SLC25A31: variants seen among roughly 807,000 people sequenced by gnomAD.
SLC25A31 encodes the protein ADP/ATP translocase 4.
Under a neutral mutation model 36.2 loss-of-function variants are expected in SLC25A31, and 40 were observed. That is an observed-to-expected ratio of 1.10 (90% confidence interval 0.86 to 1.44). The LOEUF is 1.44. Ranked by LOEUF, SLC25A31 falls within the 40% of genes most tolerant of loss-of-function variation. The pLI is 0.00. For synonymous variants in SLC25A31, 143 were observed against 149.7 expected, an observed-to-expected ratio of 0.96 and a Z score of 0.32; for missense variants, 350 against 397.1, an observed-to-expected ratio of 0.88 and a Z score of 1.01.
chr4:127,742,338 C>G (rs923658958), intron 1 of SLC25A31, among the ~76,000 whole-genome samples: 6 of 152,200 alleles, frequency 3.9e-5, no homozygotes, highest in Non-Finnish European at 7.3e-5. Context: ...GGAACTGAAA[C>G]TTACCAGATC....
chr4:127,757,478 T>A (rs965898833), intron 2 of SLC25A31, among the ~76,000 whole-genome samples: 1 of 152,250 alleles, frequency 6.6e-6, no homozygotes, highest in Non-Finnish European at 1.5e-5. Context: ...ATTCTTTTTT[T>A]AAAGCTGTAT....
chr4:127,766,424 C>G (rs894627354), intron 3 of SLC25A31, among the ~76,000 whole-genome samples: 1 of 150,870 alleles, frequency 6.6e-6, no homozygotes, highest in Non-Finnish European at 1.5e-5. Flanking sequence ...CCTCAGCCTC[C>G]CAAAGTGCTG....
intron 1 of SLC25A31, among the ~76,000 whole-genome samples, chr4:127,731,688 AAAAC>A (rs916804433): frequency 3.0e-4 from 46 of 152,332 alleles, no homozygotes; most frequent in African/African-American, 1.1e-3. Flanking sequence ...CTGTCTCAAA[AAAAC>A]AAACAAAACT....
chr4:127,761,160 A>G (rs866240219), intron 2 of SLC25A31, among the ~76,000 whole-genome samples: 1 of 152,116 alleles, frequency 6.6e-6, no homozygotes, highest in East Asian at 1.9e-4. Context: ...CCGTCACTAC[A>G]TAGATCGGCC....
intron 1 of SLC25A31, among the ~76,000 whole-genome samples, chr4:127,731,441 G>GC (rs1217707488): frequency 6.6e-6 from 1 of 151,914 alleles, no homozygotes. Flanking sequence ...GGTGGCTCAC[G>GC]CCTATAATCC....
chr4:127,756,441 G>T (rs1421651796), intron 2 of SLC25A31, among the ~76,000 whole-genome samples: 3 of 152,128 alleles, frequency 2.0e-5, no homozygotes, highest in African/African-American at 7.2e-5. Flanking sequence ...AGCGTGGGGG[G>T]ATGAGGAATG....
intron 2 of SLC25A31, among the ~76,000 whole-genome samples, chr4:127,755,505 G>A (rs777699413): frequency 6.6e-6 from 1 of 152,082 alleles, no homozygotes; most frequent in Admixed American, 6.6e-5. Flanking sequence ...CTTCTCAAAC[G>A]AAGACATACA....
chr4:127,752,834 A>G (rs1258833418), intron 2 of SLC25A31, among the ~76,000 whole-genome samples: 2 of 152,226 alleles, frequency 1.3e-5, no homozygotes, highest in Non-Finnish European at 2.9e-5. Context: ...AACAATGGGC[A>G]GATCATCCAG....
intron 1 of SLC25A31, among the ~76,000 whole-genome samples, chr4:127,742,084 C>T (rs1171065280): frequency 2.0e-5 from 3 of 152,086 alleles, no homozygotes; most frequent in African/African-American, 7.2e-5. Context: ...TACCAACCAG[C>T]ACTGGATCTC....
At chr4:127,744,415 C>G (rs1193960676) in intron 1 of SLC25A31, among the ~76,000 whole-genome samples, 2 of 152,150 alleles carry the variant, frequency 1.3e-5, no homozygotes, top group Non-Finnish European at 2.9e-5. Flanking sequence ...GTAAAGAGCC[C>G]TGTATTCAAC....
At chr4:127,770,830 A>C (rs1254899684) in intron 5 of SLC25A31, among the ~76,000 whole-genome samples, 2 of 152,000 alleles carry the variant, frequency 1.3e-5, no homozygotes, top group African/African-American at 4.8e-5. Flanking sequence ...TCTGAAGGCT[A>C]CAAGTCTGAG....
intron 1 of SLC25A31, among the ~76,000 whole-genome samples, chr4:127,742,886 G>A (rs1488009245): frequency 1.3e-5 from 2 of 152,052 alleles, no homozygotes; most frequent in Non-Finnish European, 2.9e-5. Flanking sequence ...TTGACCCATT[G>A]GTTGTTAAGA....
At chr4:127,754,421 TA>T (rs1372743304) in intron 2 of SLC25A31, among the ~76,000 whole-genome samples, 7 of 151,968 alleles carry the variant, frequency 4.6e-5, no homozygotes, top group Non-Finnish European at 8.8e-5. Flanking sequence ...TTAGTACTGG[TA>T]AATGAATTCA....
chr4:127,734,711 G>T (rs1560630032), intron 1 of SLC25A31, among the ~76,000 whole-genome samples: 1 of 151,978 alleles, frequency 6.6e-6, no homozygotes, highest in Non-Finnish European at 1.5e-5. Context: ...GAACAGTGAG[G>T]TTTTTTAATA....
At chr4:127,748,018 G>A (rs780641588) in intron 2 of SLC25A31, among the ~76,000 whole-genome samples, 2 of 152,170 alleles carry the variant, frequency 1.3e-5, no homozygotes, top group Non-Finnish European at 2.9e-5. Context: ...CACGTGATGT[G>A]TTGCCACAGT....
chr4:127,752,477 T>G (rs2148758946), intron 2 of SLC25A31, among the ~76,000 whole-genome samples: 1 of 151,804 alleles, frequency 6.6e-6, no homozygotes, highest in African/African-American at 2.4e-5. Context: ...AAATGATGAG[T>G]TAATGGGTGC....
intron 1 of SLC25A31, among the ~76,000 whole-genome samples, chr4:127,736,175 G>T (rs925501310): frequency 2.6e-5 from 4 of 152,058 alleles, no homozygotes; most frequent in African/African-American, 7.2e-5. Flanking sequence ...AGGCGTGAAT[G>T]CCTAACATTC....
chr4:127,768,751 G>A lies in SLC25A31; in HGVS notation c.634-1G>A. ...TTACTTGGCACATTTTTCTTTTCTAGGGTTTATTACCAAAGCCAAAGAAAA... is the reference window on the plus strand; with the variant it reads ...TTACTTGGCACATTTTTCTTTTCTAAGGTTTATTACCAAAGCCAAAGAAAA... On this transcript the variant is annotated splice_acceptor_variant, in intron 4 of 5. Coordinates refer to ENST00000281154, the MANE Select transcript of SLC25A31 (RefSeq NM_031291.4). LOFTEE classifies it high-confidence loss of function. The A allele has an allele frequency of 6.3e-7, 1 of 1,583,066 alleles. No individual in the cohort carries two copies. The highest frequency in any genetic ancestry group is 8.6e-7 in the Non-Finnish European group (1 of 1,168,440).
intron 2 of SLC25A31, among the ~76,000 whole-genome samples, chr4:127,751,153 C>T (rs892486678): frequency 1.1e-4 from 16 of 152,214 alleles, no homozygotes; most frequent in East Asian, 1.9e-4. Context: ...GGAGACATCA[C>T]GCTACCTGAC....
Sources: gnomAD v4.1 joint callset for allele counts (sites outside exome capture counted in the v4.1 genomes callset) on GRCh38, gnomAD v4.1.1 for gene constraint, MANE v1.5 for transcripts, NCBI Gene and HGNC (gene_info 2026-07-23, HGNC 2026-07-21) for gene names.